Variants in CNIH3 observed in about 807,000 individuals in gnomAD.
The protein encoded by CNIH3 is cornichon family AMPA receptor auxiliary protein 3.
In CNIH3, 14 loss-of-function variants were observed where a neutral mutation model predicts 24.1. That is an observed-to-expected ratio of 0.58 (90% CI 0.38 to 0.91). CNIH3 has a LOEUF of 0.91. CNIH3 is among the 40% of genes least tolerant of loss of function. The pLI is 0.00. For missense variants in CNIH3, 178 were observed against 196.8 expected (o/e 0.90, Z 0.57); for synonymous variants, 68 against 73.8 (o/e 0.92, Z 0.40).
chr1:224,733,902 C>G (rs937561767), intron 4 of CNIH3, among the ~76,000 whole-genome samples: 1 of 152,218 alleles, frequency 6.6e-6, no homozygotes, highest in Non-Finnish European at 1.5e-5. Flanking sequence ...GACGGCTCCC[C>G]TCCTCAGGGG....
intron 1 of CNIH3, among the ~76,000 whole-genome samples, chr1:224,476,328 A>T (rs1174612977): frequency 6.6e-6 from 1 of 152,186 alleles, no homozygotes; most frequent in African/African-American, 2.4e-5. Context: ...ATTCAGAAAA[A>T]CCTAAAGACT....
At chr1:224,501,855 A>G (rs893555894) in intron 1 of CNIH3, among the ~76,000 whole-genome samples, 2 of 149,652 alleles carry the variant, frequency 1.3e-5, no homozygotes, top group African/African-American at 2.6e-5. Context: ...TGCTAGGATT[A>G]CAGGCGTGAG....
At chr1:224,687,590 C>T (rs1320269656) in intron 3 of CNIH3, among the ~76,000 whole-genome samples, 2 of 152,158 alleles carry the variant, frequency 1.3e-5, no homozygotes, top group Non-Finnish European at 2.9e-5. Context: ...TTGCCCTAAG[C>T]ACATCTACTT....
chr1:224,699,829 G>T (rs57674715), intron 3 of CNIH3, among the ~76,000 whole-genome samples: 1,640 of 152,240 alleles, frequency 0.011, 37 homozygotes, highest in African/African-American at 0.037. Context: ...CACTGCACAG[G>T]GGATTGAGGC....
chr1:224,617,774 G>A (rs555216503), intron 1 of CNIH3, among the ~76,000 whole-genome samples: 38 of 152,260 alleles, frequency 2.5e-4, no homozygotes, highest in African/African-American at 9.1e-4. Context: ...CCAGGCGATG[G>A]GGGTCGAAGT....
intron 1 of CNIH3, among the ~76,000 whole-genome samples, chr1:224,462,004 CTT>C (rs1227513896): frequency 6.6e-6 from 1 of 151,990 alleles, no homozygotes; most frequent in Non-Finnish European, 1.5e-5. Flanking sequence ...AAAAAAAAGA[CTT>C]TTACTTTTTA....
intron 3 of CNIH3, among the ~76,000 whole-genome samples, chr1:224,720,822 G>T (rs1428676965): frequency 6.6e-6 from 1 of 152,148 alleles, no homozygotes; most frequent in Non-Finnish European, 1.5e-5. Context: ...CCTGGAAGAT[G>T]TATAAGAGAT....
At chr1:224,518,839 G>T (rs965385932) in intron 1 of CNIH3, among the ~76,000 whole-genome samples, 3 of 152,166 alleles carry the variant, frequency 2.0e-5, no homozygotes, top group Admixed American at 6.5e-5. Context: ...TGGATTTCGA[G>T]TTTAGTCCTC....
intron 3 of CNIH3, among the ~76,000 whole-genome samples, chr1:224,706,871 T>C (rs575464512): frequency 6.6e-5 from 10 of 152,280 alleles, no homozygotes; most frequent in Non-Finnish European, 1.5e-4. Flanking sequence ...TATTGACTTT[T>C]CATTATTCAC....
intron 3 of CNIH3, among the ~76,000 whole-genome samples, chr1:224,563,675 CG>C (rs1680468953): frequency 6.6e-6 from 1 of 152,190 alleles, no homozygotes; most frequent in Non-Finnish European, 1.5e-5. Context: ...CTGTTCAGTA[CG>C]GATGGGACAG....
Position 224,694,662 on chromosome 1 carries a change from C to T in CNIH3, c.198+9819C>T, listed in dbSNP as rs186652226. On this transcript the variant is annotated intron_variant, in intron 3 of 5. Coordinates refer to ENST00000272133, the MANE Select transcript of CNIH3 (RefSeq NM_152495.2). ...TTTATAGTAGTATAATTTGTAATTG[C>T]AAAATTATGGAACCAACCTAAATGC... is the stretch of plus-strand genomic sequence containing the variant. Among the ~76,000 whole-genome samples, 683 of 152,160 alleles carry T rather than the reference C, an allele frequency of 4.5e-3. 3 individuals carry two copies. Among genetic ancestry groups the T allele is most frequent in the Non-Finnish European group, 8.2e-3 (557 of 68,006 alleles).
intron 3 of CNIH3, among the ~76,000 whole-genome samples, chr1:224,687,438 G>T (rs1686716377): frequency 6.6e-6 from 1 of 152,034 alleles, no homozygotes; most frequent in African/African-American, 2.4e-5. Context: ...TTGCTTTGTT[G>T]TCCAGGCTGG....
intron 1 of CNIH3, among the ~76,000 whole-genome samples, chr1:224,463,629 A>G (rs1182246661): frequency 6.6e-6 from 1 of 150,656 alleles, no homozygotes; most frequent in African/African-American, 2.4e-5. Flanking sequence ...CTGGTCTCGA[A>G]CTCCCAACCT....
intron 1 of CNIH3, among the ~76,000 whole-genome samples, chr1:224,437,768 A>T (rs901238003): frequency 2.6e-5 from 4 of 152,232 alleles, no homozygotes. Flanking sequence ...TATGCTTTAC[A>T]AAGTAAAATA....
chr1:224,646,226 A>G (rs758838207), intron 1 of CNIH3, among the ~76,000 whole-genome samples: 1 of 152,210 alleles, frequency 6.6e-6, no homozygotes, highest in Non-Finnish European at 1.5e-5. Flanking sequence ...GCCTAACAGC[A>G]TTTTGACAGA....
chr1:224,487,485 T>C (rs535431829), intron 1 of CNIH3, among the ~76,000 whole-genome samples: 2 of 152,324 alleles, frequency 1.3e-5, no homozygotes, highest in East Asian at 3.9e-4. Flanking sequence ...CACTTCTGTA[T>C]TTTCTCCCCA....
intron 1 of CNIH3, among the ~76,000 whole-genome samples, chr1:224,451,608 C>T (rs550912323): frequency 1.1e-4 from 16 of 152,126 alleles, no homozygotes; most frequent in Non-Finnish European, 2.4e-4. Context: ...AAAACTTATT[C>T]ACCCATATGC....
rs561401951 is a variant in CNIH3, at chr1:224,484,378, C to T, written n.204-31363C>T. Among the ~76,000 whole-genome samples the T allele has an allele frequency of 7.3e-5, 11 of 150,754 alleles. No homozygotes were observed. In the East Asian group the frequency reaches 1.2e-3, roughly 16 times the overall value. On this transcript the variant is annotated intron_variant and non_coding_transcript_variant, in intron 1 of 5. Transcript: ENST00000471578. ...CTGGGAGGCGGAGCTTGCAGTGAGCCGAGATCACGCCACTGCACTCCAGCC... is the reference window on the plus strand; with the variant it reads ...CTGGGAGGCGGAGCTTGCAGTGAGCTGAGATCACGCCACTGCACTCCAGCC...
chr1:224,522,732 TA>T (rs1678690956), intron 2 of CNIH3, among the ~76,000 whole-genome samples: 1 of 152,152 alleles, frequency 6.6e-6, no homozygotes, highest in African/African-American at 2.4e-5. Flanking sequence ...GGAGAACAGC[TA>T]AAACCTAAAA....
Sources: gnomAD v4.1 joint callset for allele counts (sites outside exome capture counted in the v4.1 genomes callset) on GRCh38, gnomAD v4.1.1 for gene constraint, MANE v1.5 for transcripts, NCBI Gene and HGNC (gene_info 2026-07-23, HGNC 2026-07-21) for gene names.